Variants in B3GALT1 observed in about 807,000 individuals in gnomAD.
B3GALT1 encodes the protein beta-1,3-galactosyltransferase 1.
In B3GALT1, 10 loss-of-function variants were observed where a neutral mutation model predicts 23.2. The ratio of observed to expected loss-of-function variants is 0.43; its 90% confidence interval spans 0.27 to 0.73. The LOEUF (loss-of-function observed/expected upper bound fraction) is 0.73. Ranked by LOEUF, B3GALT1 falls within the 30% of genes least tolerant of loss-of-function variation. The pLI, the probability that B3GALT1 is intolerant of heterozygous loss-of-function variation, is 0.21. For synonymous variants in B3GALT1, 156 were observed against 141.5 expected, an observed-to-expected ratio of 1.10 and a Z score of -0.73; for missense variants, 299 against 405.4, an observed-to-expected ratio of 0.74 and a Z score of 2.25.
At position 167,869,378 on chromosome 2, in the gene B3GALT1, C is replaced by T. The variant is rs1690297102; in HGVS notation, c.339C>T (p.Ala113=). 6.2e-7 allele frequency: 1 copy of T among 1,614,082 alleles called. No individual in the cohort carries two copies. The highest frequency in any genetic ancestry group is 8.5e-7 in the Non-Finnish European group (1 of 1,180,016). The change falls in exon 5 of 5, where the codon GCC becomes GCT. Residue 113 remains alanine (A), a synonymous_variant. Transcript: ENST00000392690. The surrounding 1 kb of genome is among the most constrained non-coding windows in gnomAD (Gnocchi z 6.4). The part of the protein sequence containing the change: ...DENNFKGIKI[A]TLFLLGKNAD... ...ACAACTTTAAGGGGATCAAGATAGC[C>T]ACCCTGTTCCTCCTGGGCAAGAATG... is the stretch of plus-strand genomic sequence containing the variant.
intron 1 of B3GALT1, among the ~76,000 whole-genome samples, chr2:167,413,623 C>T (rs2105297180): frequency 6.6e-6 from 1 of 151,898 alleles, no homozygotes; most frequent in South Asian, 2.1e-4. Context: ...ATTTTTATCT[C>T]CCATTCTTTG....
intron 2 of B3GALT1, among the ~76,000 whole-genome samples, chr2:167,631,019 AG>A (rs368090440): frequency 5.0e-5 from 6 of 120,656 alleles, no homozygotes; most frequent in African/African-American, 9.2e-5. Context: ...GGTAAAAAAA[AG>A]GGGGGGGAAT....
chr2:167,391,194 C>T (rs891995641), intron 1 of B3GALT1, among the ~76,000 whole-genome samples: 4 of 152,150 alleles, frequency 2.6e-5, no homozygotes, highest in Non-Finnish European at 5.9e-5. Context: ...GTAGAAATTC[C>T]ATTTCCTCAG....
chr2:167,841,629 C>T (rs1261054643), intron 4 of B3GALT1, among the ~76,000 whole-genome samples: 1 of 152,218 alleles, frequency 6.6e-6, no homozygotes, highest in Non-Finnish European at 1.5e-5. Context: ...CAGAAGGCCC[C>T]TTCCAGCCTC....
chr2:167,666,158 C>G (rs1686180197), intron 3 of B3GALT1, among the ~76,000 whole-genome samples: 2 of 152,302 alleles, frequency 1.3e-5, no homozygotes, highest in South Asian at 2.1e-4. Context: ...TGTCTTTGTT[C>G]TCGTTCGTTT....
chr2:167,515,350 A>G (rs1700083844), intron 2 of B3GALT1, among the ~76,000 whole-genome samples: 1 of 152,134 alleles, frequency 6.6e-6, no homozygotes, highest in Non-Finnish European at 1.5e-5. Flanking sequence ...GCATCCTTCA[A>G]GAAACAAATA....
intron 4 of B3GALT1, among the ~76,000 whole-genome samples, chr2:167,832,076 G>A (rs775994680): frequency 1.4e-4 from 22 of 152,168 alleles, no homozygotes; most frequent in Non-Finnish European, 2.9e-4. Flanking sequence ...AAATAAGGCA[G>A]CAGCATGGCA....
At chr2:167,715,529 T>C in intron 3 of B3GALT1, 3 of 1,613,508 alleles carry the variant, frequency 1.9e-6, no homozygotes, top group Admixed American at 1.7e-5. Context: ...GGATTTTGAC[T>C]CATCTTCTAG....
intron 3 of B3GALT1, chr2:167,714,665 G>A (rs1215575724): frequency 6.2e-7 from 1 of 1,613,754 alleles, no homozygotes; most frequent in Non-Finnish European, 8.5e-7. Context: ...AGCAGTCCGA[G>A]CTGCCAACCA....
intron 3 of B3GALT1, among the ~76,000 whole-genome samples, chr2:167,669,230 C>G (rs1016470059): frequency 6.6e-6 from 1 of 152,160 alleles, no homozygotes; most frequent in Non-Finnish European, 1.5e-5. Context: ...TTGATGTATA[C>G]TTATTGAATG....
intron 2 of B3GALT1, among the ~76,000 whole-genome samples, chr2:167,546,609 C>G (rs543348749): frequency 6.5e-4 from 99 of 152,256 alleles, no homozygotes; most frequent in Non-Finnish European, 8.7e-4. Flanking sequence ...TAAGCTAATT[C>G]TTCACTACAC....
intron 2 of B3GALT1, among the ~76,000 whole-genome samples, chr2:167,607,589 A>T (rs1481288980): frequency 6.6e-6 from 1 of 152,194 alleles, no homozygotes; most frequent in Non-Finnish European, 1.5e-5. Context: ...CAAAGAAAAG[A>T]ATTTATCTAT....
At chr2:167,490,722 G>A (rs561513530) in intron 2 of B3GALT1, among the ~76,000 whole-genome samples, 31 of 152,200 alleles carry the variant, frequency 2.0e-4, no homozygotes, top group Non-Finnish European at 4.0e-4. Context: ...CTTGTGTTGG[G>A]GAGCTGTGCT....
At chr2:167,842,408 G>T (rs1689668831) in intron 4 of B3GALT1, among the ~76,000 whole-genome samples, 1 of 152,122 alleles carries the variant, frequency 6.6e-6, no homozygotes, top group Non-Finnish European at 1.5e-5. Flanking sequence ...AGTTTCTGTA[G>T]AATGTATACT....
At chr2:167,416,641 C>G (rs1171419388) in intron 1 of B3GALT1, among the ~76,000 whole-genome samples, 1 of 152,096 alleles carries the variant, frequency 6.6e-6, no homozygotes, top group Non-Finnish European at 1.5e-5. Flanking sequence ...GTAGAGTCAC[C>G]AGTAGCAAGC....
At chr2:167,408,196 A>G (rs1698336463) in intron 1 of B3GALT1, among the ~76,000 whole-genome samples, 2 of 152,204 alleles carry the variant, frequency 1.3e-5, no homozygotes, top group Admixed American at 1.3e-4. Flanking sequence ...GGATTCATCC[A>G]GGGATGCAAG....
intron 3 of B3GALT1, among the ~76,000 whole-genome samples, chr2:167,726,895 C>T (rs1187119807): frequency 2.0e-5 from 3 of 152,176 alleles, no homozygotes; most frequent in Non-Finnish European, 4.4e-5. Context: ...TTGCTTTAGG[C>T]ACTTCATCAT....
chr2:167,517,694 G>A (rs28432772), intron 2 of B3GALT1, among the ~76,000 whole-genome samples: 2 of 151,986 alleles, frequency 1.3e-5, no homozygotes, highest in African/African-American at 4.8e-5. Context: ...AACTAAAAAT[G>A]AAACTTTAAA....
At chr2:167,617,854 G>A (rs1171018133) in intron 2 of B3GALT1, among the ~76,000 whole-genome samples, 1 of 151,984 alleles carries the variant, frequency 6.6e-6, no homozygotes, top group African/African-American at 2.4e-5. Flanking sequence ...CCTCTTTAAT[G>A]CACTGTCTCC....
Sources: gnomAD v4.1 joint callset for allele counts (sites outside exome capture counted in the v4.1 genomes callset) on GRCh38, gnomAD v4.1.1 for gene constraint, Gnocchi (gnomAD v3.1) non-coding constraint, MANE v1.5 for transcripts, NCBI Gene and HGNC (gene_info 2026-07-23, HGNC 2026-07-21) for gene names.